Variants in GRM8 observed in about 807,000 individuals in gnomAD.
The protein encoded by GRM8 is glutamate metabotropic receptor 8.
Under a neutral mutation model 87.2 loss-of-function variants are expected in GRM8, and 47 were observed. The observed-to-expected ratio is 0.54, with a 90% CI of 0.43 to 0.69. GRM8 has a LOEUF of 0.69. Ranked by LOEUF, GRM8 falls within the 30% of genes least tolerant of loss-of-function variation. The pLI, the probability that GRM8 is intolerant of heterozygous loss-of-function variation, is 0.00. For missense variants in GRM8, 1,019 were observed against 1,139.2 expected (o/e 0.89, Z 1.52); for synonymous variants, 396 against 404.5 (o/e 0.98, Z 0.25).
chr7:127,056,995 T>A (rs1820061794), intron 3 of GRM8, among the ~76,000 whole-genome samples: 1 of 152,208 alleles, frequency 6.6e-6, no homozygotes, highest in Non-Finnish European at 1.5e-5. Context: ...CTTCAGACTT[T>A]TCCAGTATTC....
At chr7:126,507,490 TAG>T (rs1407063861) in intron 9 of GRM8, among the ~76,000 whole-genome samples, 1 of 152,098 alleles carries the variant, frequency 6.6e-6, no homozygotes, top group Non-Finnish European at 1.5e-5. Context: ...TACAATCAAT[TAG>T]AGTTTGTTAT....
chr7:126,756,924 C>T (rs890785439), intron 7 of GRM8, among the ~76,000 whole-genome samples: 13 of 151,858 alleles, frequency 8.6e-5, no homozygotes, highest in East Asian at 3.9e-4. Context: ...AAAACCAAGA[C>T]GAGAAGGTTC....
intron 7 of GRM8, among the ~76,000 whole-genome samples, chr7:126,649,163 G>T (rs940381887): frequency 6.6e-6 from 1 of 152,126 alleles, no homozygotes; most frequent in East Asian, 1.9e-4. Flanking sequence ...GGTTAATACC[G>T]AGTGTCAACT....
At chr7:127,086,992 T>C (rs1161500967) in intron 3 of GRM8, among the ~76,000 whole-genome samples, 1 of 151,990 alleles carries the variant, frequency 6.6e-6, no homozygotes, top group Non-Finnish European at 1.5e-5. Context: ...AAAACTAAAG[T>C]TTCTCCAAGG....
chr7:126,703,776 G>A (rs1244811707), intron 7 of GRM8, among the ~76,000 whole-genome samples: 1 of 152,076 alleles, frequency 6.6e-6, no homozygotes, highest in Admixed American at 6.6e-5. Context: ...TGCCCAGTCT[G>A]GTCTCAAACT....
chr7:126,681,828 T>C (rs1384664640), intron 7 of GRM8, among the ~76,000 whole-genome samples: 1 of 152,224 alleles, frequency 6.6e-6, no homozygotes, highest in African/African-American at 2.4e-5. Context: ...TGATTATGTA[T>C]CCAGGCAAGT....
chr7:126,522,282 T>G (rs1242383948), intron 9 of GRM8, among the ~76,000 whole-genome samples: 2 of 152,198 alleles, frequency 1.3e-5, no homozygotes, highest in African/African-American at 2.4e-5. Context: ...ATTTCTTGCC[T>G]GGATTTCCTC....
chr7:127,168,165 A>AG (rs1314851302), intron 2 of GRM8, among the ~76,000 whole-genome samples: 1 of 152,198 alleles, frequency 6.6e-6, no homozygotes, highest in Non-Finnish European at 1.5e-5. Context: ...ATTTACAAGA[A>AG]AAAAACAGCC....
At chr7:126,783,696 T>C (rs1391509860) in intron 6 of GRM8, among the ~76,000 whole-genome samples, 1 of 152,160 alleles carries the variant, frequency 6.6e-6, no homozygotes, top group Non-Finnish European at 1.5e-5. Flanking sequence ...AAGGTAGAGT[T>C]GGTATGGGGT....
chr7:126,841,831 A>G (rs1796293826), intron 6 of GRM8, among the ~76,000 whole-genome samples: 1 of 151,866 alleles, frequency 6.6e-6, no homozygotes, highest in South Asian at 2.1e-4. Context: ...ATGGGGTTTC[A>G]CCGTGATAGC....
At chr7:126,560,343 G>A (rs1012783659) in intron 8 of GRM8, among the ~76,000 whole-genome samples, 1 of 152,084 alleles carries the variant, frequency 6.6e-6, no homozygotes, top group Admixed American at 6.6e-5. Flanking sequence ...ACTCAGAAAA[G>A]AATAGAGAAA....
At chr7:126,651,191 C>T (rs1013870267) in intron 7 of GRM8, among the ~76,000 whole-genome samples, 3 of 152,222 alleles carry the variant, frequency 2.0e-5, no homozygotes, top group African/African-American at 7.2e-5. Context: ...TGGTATCCCA[C>T]ACAGCATTGC....
chr7:126,922,739 T>C (rs985355228), intron 3 of GRM8, among the ~76,000 whole-genome samples: 2 of 152,014 alleles, frequency 1.3e-5, no homozygotes, highest in African/African-American at 4.8e-5. Flanking sequence ...GGTGATTGGA[T>C]CATGTGGGCA....
At chr7:126,516,993 T>C (rs1812267749) in intron 9 of GRM8, among the ~76,000 whole-genome samples, 2 of 152,096 alleles carry the variant, frequency 1.3e-5, no homozygotes, top group Admixed American at 1.3e-4. Flanking sequence ...TGTTATAACA[T>C]ATCTCTTTCT....
intron 7 of GRM8, among the ~76,000 whole-genome samples, chr7:126,763,472 T>TAC (rs143608746): frequency 0.023 from 1,827 of 78,288 alleles, 51 homozygotes; most frequent in East Asian, 0.17. Context: ...TATATATATA[T>TAC]ACACACACAC....
intron 3 of GRM8, among the ~76,000 whole-genome samples, chr7:126,955,619 G>A (rs1808597384): frequency 6.6e-6 from 1 of 152,078 alleles, no homozygotes; most frequent in Admixed American, 6.5e-5. Context: ...AGGCTCAAAT[G>A]GGTTCCTTTT....
chr7:126,689,218 A>T (rs1183319488), intron 7 of GRM8, among the ~76,000 whole-genome samples: 2 of 152,120 alleles, frequency 1.3e-5, no homozygotes, highest in South Asian at 2.1e-4. Flanking sequence ...TCTCTTGCTG[A>T]CACCAGCCTA....
intron 3 of GRM8, among the ~76,000 whole-genome samples, chr7:126,987,709 C>T (rs1046646879): frequency 2.6e-5 from 4 of 152,184 alleles, no homozygotes; most frequent in African/African-American, 4.8e-5. Flanking sequence ...GTGATTCGCC[C>T]GCCTCGGCCT....
chr7:127,077,746 C>T (rs1366214842), intron 3 of GRM8, among the ~76,000 whole-genome samples: 1 of 151,978 alleles, frequency 6.6e-6, no homozygotes, highest in East Asian at 2.0e-4. Context: ...ATCTTCTTAA[C>T]TTATTTTTAC....
Sources: gnomAD v4.1 joint callset for allele counts (sites outside exome capture counted in the v4.1 genomes callset) on GRCh38, gnomAD v4.1.1 for gene constraint, MANE v1.5 for transcripts, NCBI Gene and HGNC (gene_info 2026-07-23, HGNC 2026-07-21) for gene names.